The following NTRK2 variants were observed in gnomAD, a reference collection of about 807,000 sequenced individuals.
NTRK2 encodes neurotrophic receptor tyrosine kinase 2.
NTRK2 carries 13 observed loss-of-function variants against 94.5 expected under a neutral mutation model. That is an observed-to-expected ratio of 0.14 (90% CI 0.09 to 0.22). NTRK2 has a LOEUF of 0.22. Ranked by LOEUF, NTRK2 falls within the 10% of genes least tolerant of loss-of-function variation. The pLI is 1.00. For synonymous variants in NTRK2, 372 were observed against 407.4 expected, an observed-to-expected ratio of 0.91 and a Z score of 1.05; for missense variants, 639 against 1,071.2, an observed-to-expected ratio of 0.60 and a Z score of 5.63.
At position 84,760,007 on chromosome 9, in the gene NTRK2, A is replaced by T. The variant is rs760185999; in HGVS notation, c.1396+7922A>T. 4.9e-4 allele frequency among the ~76,000 whole-genome samples: 75 copies of T among 152,232 alleles called. 2 individuals are homozygous for T. Among genetic ancestry groups the T allele is most frequent in the South Asian group, 8.3e-4 (4 of 4,830 alleles). The stretch of plus-strand genomic sequence containing the variant: ...GGAATACATTTAGCTCTAAATCAGC[A>T]GAATTGTCACGTGGCACTTCAGAAG... On this transcript the variant is annotated intron_variant, in intron 12 of 18. Transcript: ENST00000277120.
chr9:84,986,372 A>G (rs1301563303), intron 17 of NTRK2, among the ~76,000 whole-genome samples: 1 of 152,196 alleles, frequency 6.6e-6, no homozygotes, highest in Non-Finnish European at 1.5e-5. Flanking sequence ...ATCATTAGCT[A>G]GATTCTCATA....
chr9:84,992,751 A>G (rs1275529544), intron 17 of NTRK2, among the ~76,000 whole-genome samples: 3 of 152,020 alleles, frequency 2.0e-5, no homozygotes, highest in East Asian at 3.9e-4. Context: ...TCCAATGTCA[A>G]TTTCCTGTGC....
intron 12 of NTRK2, among the ~76,000 whole-genome samples, chr9:84,805,949 G>T (rs2071062105): frequency 6.6e-6 from 1 of 152,196 alleles, no homozygotes; most frequent in Non-Finnish European, 1.5e-5. Flanking sequence ...CTTGACCTTG[G>T]ACTTGTCAGC....
chr9:84,765,748 G>A (rs980208350), intron 12 of NTRK2, among the ~76,000 whole-genome samples: 2 of 151,974 alleles, frequency 1.3e-5, no homozygotes, highest in African/African-American at 4.8e-5. Flanking sequence ...TAAGATCTGT[G>A]GTAACAAGAG....
chr9:84,949,175 G>A (rs1007828402), intron 16 of NTRK2, among the ~76,000 whole-genome samples: 1 of 152,178 alleles, frequency 6.6e-6, no homozygotes, highest in African/African-American at 2.4e-5. Flanking sequence ...GAGGCCAGTA[G>A]TTCAGAGGAT....
At chr9:84,721,900 C>T (rs915592000) in intron 6 of NTRK2, among the ~76,000 whole-genome samples, 1 of 152,122 alleles carries the variant, frequency 6.6e-6, no homozygotes, top group Non-Finnish European at 1.5e-5. Context: ...TTTTAAAAGT[C>T]ACCCAGATTA....
chr9:84,813,510 T>C lies in NTRK2; in HGVS notation c.1397-47530T>C, dbSNP rs1048868591. 4 of 1,065,336 alleles carry C rather than the reference T, an allele frequency of 3.8e-6. No homozygotes were observed. In the African/African-American group the frequency reaches 4.9e-5, roughly 13 times the overall value. 66.0% of individuals were successfully genotyped at this position (1,065,336 alleles called of 1,614,324 possible). A position where few individuals can be genotyped will look rare whatever the true frequency, so the allele number is the denominator to read the frequency against. ...TTGCAAATTCACTTTTCTTTCTTCC[T>C]GACATTGCCATTGAGGGCTTTGTTA... On this transcript the variant is annotated intron_variant, in intron 12 of 18. Coordinates refer to ENST00000277120, the MANE Select transcript of NTRK2 (RefSeq NM_006180.6).
rs567924736 is a variant in NTRK2, at chr9:84,794,261, C to A, written c.1396+42176C>A. ...TTACAAGGAGATTAGGAAGAAGTTG[C>A]CTAGAAATAGGCAGGAGCCATCACC... is the stretch of plus-strand genomic sequence containing the variant. On this transcript the variant is annotated intron_variant, in intron 12 of 18. Coordinates refer to ENST00000277120, the MANE Select transcript of NTRK2 (RefSeq NM_006180.6). Among the ~76,000 whole-genome samples, 4 of 152,234 alleles carry A rather than the reference C, an allele frequency of 2.6e-5. No homozygotes were observed. In the South Asian group the frequency reaches 8.3e-4, roughly 32 times the overall value.
At chr9:84,969,479 C>CA (rs34241144) in intron 17 of NTRK2, among the ~76,000 whole-genome samples, 1 of 151,926 alleles carries the variant, frequency 6.6e-6, no homozygotes, top group Non-Finnish European at 1.5e-5. Context: ...GTTCTGCATG[C>CA]AAAAAAATAA....
chr9:84,787,294 G>A (rs146092288), intron 12 of NTRK2, among the ~76,000 whole-genome samples: 3 of 151,782 alleles, frequency 2.0e-5, no homozygotes, highest in South Asian at 2.1e-4. Flanking sequence ...GGAAAACTCC[G>A]TCTAAAACAA....
rs757730386 is a variant in NTRK2 at position 84,867,293 on chromosome 9, C to A, written c.1495C>A (p.His499Asn). The change falls in exon 14 of 19, where the codon CAC becomes AAC. Residue 499 changes from histidine to asparagine, a missense_variant. Coordinates refer to ENST00000277120, the MANE Select transcript of NTRK2 (RefSeq NM_006180.6). Reference sequence around the variant, plus strand: ...TGATGACTCTGCCAGCCCACTCCATCACATCTCCAATGGGAGTAACACTCC... The same window carrying A: ...TGATGACTCTGCCAGCCCACTCCATAACATCTCCAATGGGAGTAACACTCC... Reference protein sequence around the residue: ...NDDDSASPLHHISNGSNTPSS... With the variant: ...NDDDSASPLHNISNGSNTPSS... 6.2e-7 allele frequency: 1 copy of A among 1,614,120 alleles called. No homozygotes were observed. The highest frequency in any genetic ancestry group is 1.1e-5 in the South Asian group (1 of 91,086).
intron 12 of NTRK2, among the ~76,000 whole-genome samples, chr9:84,795,658 G>A (rs1008080721): frequency 6.6e-6 from 1 of 152,178 alleles, no homozygotes; most frequent in Non-Finnish European, 1.5e-5. Flanking sequence ...TTAGCCTGAG[G>A]GTTCGGGCCC....
rs2061518866 is a variant in NTRK2 at position 84,713,214 on chromosome 9, T to C, written c.583+2423T>C. ...TATGCTTCAGTAAATTTCCTGTTTA[T>C]ATCCTTTGTCTATTTTTCTGTAGGG... On this transcript the variant is annotated intron_variant, in intron 6 of 18. Transcript: ENST00000277120. Among the ~76,000 whole-genome samples, 9 of 152,334 alleles carry C rather than the reference T, an allele frequency of 5.9e-5. 2 individuals are homozygous for C. The South Asian group carries it at 1.9e-3, about 32-fold the overall frequency.
intron 12 of NTRK2, among the ~76,000 whole-genome samples, chr9:84,851,797 A>G (rs978739594): frequency 6.6e-6 from 1 of 152,244 alleles, no homozygotes; most frequent in Non-Finnish European, 1.5e-5. Context: ...TCAAAATTCC[A>G]TAATACAATG....
At chr9:84,810,564 C>T in intron 12 of NTRK2, 1 of 1,613,792 alleles carries the variant, frequency 6.2e-7, no homozygotes, top group East Asian at 2.2e-5. Flanking sequence ...TTCATAAGAT[C>T]CCACTGGATG....
chr9:84,670,691 G>A lies in NTRK2; in HGVS notation c.-58G>A. ...AGGGAAGGCCTCCCCGCACGGGTGG[G>A]GGAAAGCGGCCGGTGCAGCGCGGGG... On this transcript the variant is annotated 5_prime_UTR_variant, in exon 2 of 19. Coordinates refer to ENST00000277120, the MANE Select transcript of NTRK2 (RefSeq NM_006180.6). The A allele has an allele frequency of 6.4e-7, 1 of 1,573,384 alleles. No individual in the cohort carries two copies. Among genetic ancestry groups the A allele is most frequent in the Non-Finnish European group, 8.7e-7 (1 of 1,150,902 alleles).
chr9:84,846,653 G>A (rs1233834093), intron 12 of NTRK2, among the ~76,000 whole-genome samples: 1 of 152,212 alleles, frequency 6.6e-6, no homozygotes, highest in Non-Finnish European at 1.5e-5. Context: ...TCTGACTCAT[G>A]TACCTGGGCT....
At chr9:84,761,179 A>G (rs937322052) in intron 12 of NTRK2, among the ~76,000 whole-genome samples, 1 of 152,342 alleles carries the variant, frequency 6.6e-6, no homozygotes. Context: ...CCAGTGAGCT[A>G]GTGACCTGAT....
In NTRK2 at chr9:84,731,357, G is replaced by A. The variant is rs532189631; in HGVS notation, c.1159+3398G>A. On this transcript the variant is annotated intron_variant, in intron 9 of 18. Coordinates refer to ENST00000277120, the MANE Select transcript of NTRK2 (RefSeq NM_006180.6). ...AGGCTGAGGTCAGAGGATTGCTTGAGCCTGGGAGGCGGAGGTTGCAGTGAG... is the reference window on the plus strand; with the variant it reads ...AGGCTGAGGTCAGAGGATTGCTTGAACCTGGGAGGCGGAGGTTGCAGTGAG... Among the ~76,000 whole-genome samples, 45 of 152,184 alleles carry A rather than the reference G, an allele frequency of 3.0e-4. 1 individual carries two copies. The East Asian group carries it at 8.1e-3, about 28-fold the overall frequency.
Sources: allele counts gnomAD v4.1 joint callset (sites outside exome capture counted in the v4.1 genomes callset), GRCh38; gene constraint gnomAD v4.1.1; transcripts MANE v1.5; gene names NCBI Gene and HGNC (gene_info 2026-07-23, HGNC 2026-07-21).